Variants in ITGB2 observed in about 807,000 individuals in gnomAD.
ITGB2 encodes integrin beta-2.
A neutral mutation model predicts 86.8 loss-of-function variants in ITGB2; 56 were observed. The ratio of observed to expected loss-of-function variants is 0.65; its 90% confidence interval spans 0.52 to 0.81. The LOEUF is 0.81. Among genes scored for constraint, ITGB2 ranks in the 30% least tolerant of loss-of-function variants. The pLI, the probability that ITGB2 is intolerant of heterozygous loss-of-function variation, is 0.00. For missense variants in ITGB2, 948 were observed against 1,061.2 expected (o/e 0.89, Z 1.48); for synonymous variants, 457 against 450.4 (o/e 1.01, Z -0.19).
upstream of ITGB2, among the ~76,000 whole-genome samples, chr21:44,922,411 C>T (rs941644373): frequency 1.3e-5 from 2 of 151,628 alleles, no homozygotes; most frequent in African/African-American, 2.4e-5. Context: ...ACTTGTAATC[C>T]CAGCACTTTG....
chr21:44,917,201 G>A (rs1418165610), intron 1 of ITGB2, among the ~76,000 whole-genome samples: 1 of 152,220 alleles, frequency 6.6e-6, no homozygotes, highest in African/African-American at 2.4e-5. Context: ...CAACGTGTAA[G>A]ATGCTTTGGC....
chr21:44,895,137 G>A (rs1342756093), intron 8 of ITGB2, 77 bp from the exon 9 acceptor site: 25 of 1,083,836 alleles, frequency 2.3e-5, no homozygotes, highest in Non-Finnish European at 3.6e-5. Context: ...CTCACCCCAG[G>A]GGCTTCTGCA....
intron 1 of ITGB2, among the ~76,000 whole-genome samples, chr21:44,912,173 C>T (rs142455755): frequency 6.6e-6 from 1 of 152,336 alleles, no homozygotes; most frequent in Non-Finnish European, 1.5e-5. Context: ...CCACACCCTT[C>T]CCTCGGGTGG....
Position 44,910,924 on chromosome 21 carries a change from A to G in ITGB2, c.-3-139T>C, listed in dbSNP as rs2084122440. 8.6e-6 allele frequency: 7 copies of G among 813,064 alleles called. No individual in the cohort carries two copies. In the South Asian group the frequency reaches 1.1e-4, roughly 13 times the overall value. The allele number at this position is 813,064 out of a possible 1,614,324, so 50.4% of individuals were successfully genotyped here. The stretch of plus-strand genomic sequence containing the variant: ...GCAGGGGGTGGGTTAGGGTCAGGCC[A>G]GCACAGCTGCACTGGGCCCAGCTGC... On this transcript the variant is annotated intron_variant, in intron 1 of 15. Transcript: ENST00000652462.
intron 7 of ITGB2, among the ~76,000 whole-genome samples, chr21:44,899,593 G>A (rs928490160): frequency 1.3e-5 from 2 of 152,190 alleles, no homozygotes; most frequent in Non-Finnish European, 2.9e-5. Flanking sequence ...CCTGAGTCTT[G>A]TATCTCTAAA....
At chr21:44,907,116 G>A in intron 3 of ITGB2, 21 bp from the exon 4 acceptor site, 1 of 1,569,094 alleles carries the variant, frequency 6.4e-7, no homozygotes, top group Non-Finnish European at 8.7e-7. Context: ...GGAGTCAGGG[G>A]TCAGGAGGGG....
chr21:44,918,766 C>T (rs2084248315), intron 1 of ITGB2, among the ~76,000 whole-genome samples: 1 of 152,242 alleles, frequency 6.6e-6, no homozygotes, highest in African/African-American at 2.4e-5. Flanking sequence ...CAGGGGTTAC[C>T]ACCCTGTGGT....
intron 14 of ITGB2, 145 bp downstream of exon 14, chr21:44,888,548 G>A: frequency 1.1e-6 from 1 of 931,380 alleles, no homozygotes; most frequent in Non-Finnish European, 1.7e-6. Context: ...TCCTTGCAAT[G>A]CCAAGGGCAT....
intron 9 of ITGB2, 93 bp downstream of exon 9, chr21:44,894,878 C>T: frequency 1.1e-6 from 1 of 922,176 alleles, no homozygotes; most frequent in Non-Finnish European, 1.8e-6. Context: ...CCTCCCAGAC[C>T]ACCCTCCTGC....
At chr21:44,921,717 T>G (rs960512762), upstream of ITGB2, among the ~76,000 whole-genome samples, 1 of 152,148 alleles carries the variant, frequency 6.6e-6, no homozygotes, top group Non-Finnish European at 1.5e-5. Context: ...ATTTATTTAT[T>G]TTTATGTTTT....
chr21:44,927,219 G>A (rs2084383889), intron 1 of ITGB2, among the ~76,000 whole-genome samples: 1 of 152,204 alleles, frequency 6.6e-6, no homozygotes, highest in Non-Finnish European at 1.5e-5. Context: ...TGAAGGTCAA[G>A]AAAGATGCTA....
intron 8 of ITGB2, 107 bp downstream of exon 8, chr21:44,898,960 G>A (rs375823226): frequency 0.011 from 9,698 of 922,172 alleles, 74 homozygotes; most frequent in South Asian, 0.019. Flanking sequence ...GGTTGCTCAC[G>A]TGCCCAGCAT....
At chr21:44,911,757 A>T (rs1238761860) in intron 1 of ITGB2, among the ~76,000 whole-genome samples, 19 of 152,114 alleles carry the variant, frequency 1.2e-4, no homozygotes, top group Admixed American at 1.2e-3. Context: ...TCGGCCCCAG[A>T]GGCAAAATGA....
upstream of ITGB2, among the ~76,000 whole-genome samples, chr21:44,925,605 C>A (rs2084363429): frequency 6.6e-6 from 1 of 152,146 alleles, no homozygotes; most frequent in South Asian, 2.1e-4. Flanking sequence ...TCATTGTTGT[C>A]CAGAGGATTT....
chr21:44,924,629 G>A (rs1256096077), upstream of ITGB2, among the ~76,000 whole-genome samples: 4 of 152,034 alleles, frequency 2.6e-5, no homozygotes, highest in Non-Finnish European at 5.9e-5. Context: ...CCATAAGGAG[G>A]CCAAATTCAC....
chr21:44,898,387 C>A (rs568557387), intron 8 of ITGB2, among the ~76,000 whole-genome samples: 19 of 152,228 alleles, frequency 1.2e-4, no homozygotes, highest in Admixed American at 5.2e-4. Flanking sequence ...CCTCCCACCT[C>A]GGGCAGCGGC....
intron 1 of ITGB2, among the ~76,000 whole-genome samples, chr21:44,919,027 G>T (rs76696735): frequency 0.54 from 78,435 of 145,582 alleles, 23,478 homozygotes; most frequent in African/African-American, 0.82. Flanking sequence ...GGAGGCACCT[G>T]CAGTTGCTCA....
chr21:44,888,111 T>C lies in ITGB2; in HGVS notation c.2080+582A>G, dbSNP rs180716752. Among the ~76,000 whole-genome samples the C allele has an allele frequency of 4.2e-4, 62 of 147,662 alleles. No homozygotes were observed. In the East Asian group the frequency reaches 0.013, roughly 32 times the overall value. On this transcript the variant is annotated intron_variant, in intron 14 of 15. Transcript: ENST00000652462. The stretch of plus-strand genomic sequence containing the variant: ...ACAGGGTCAGTGCCACCAAGGTCAC[T>C]GTGGGGCTGGGACTGGTTCCGACTG...
intron 3 of ITGB2, among the ~76,000 whole-genome samples, chr21:44,908,730 C>A (rs182192282): frequency 6.6e-6 from 1 of 152,174 alleles, no homozygotes; most frequent in Non-Finnish European, 1.5e-5. Flanking sequence ...CCGGCTACAA[C>A]GGTGCTGGAG....
Sources: gnomAD v4.1 joint callset for allele counts (sites outside exome capture counted in the v4.1 genomes callset) on GRCh38, gnomAD v4.1.1 for gene constraint, MANE v1.5 for transcripts, NCBI Gene and HGNC (gene_info 2026-07-23, HGNC 2026-07-21) for gene names.